Variants in ANTXR1 observed in about 807,000 individuals in gnomAD.
ANTXR1 encodes the protein ANTXR cell adhesion molecule 1, also known as anthrax toxin receptor 1.
ANTXR1 carries 19 observed loss-of-function variants against 78.1 expected under a neutral mutation model. The observed-to-expected ratio is 0.24, with a 90% CI of 0.17 to 0.36. ANTXR1 has a LOEUF of 0.36. ANTXR1 is among the 10% of genes least tolerant of loss of function. ANTXR1 has a pLI of 1.00. For missense variants in ANTXR1, 518 were observed against 718.6 expected, an observed-to-expected ratio of 0.72 and a Z score of 3.19; for synonymous variants, 273 against 260.5, an observed-to-expected ratio of 1.05 and a Z score of -0.46.
chr2:69,024,689 C>T (rs1671291524), intron 1 of ANTXR1, among the ~76,000 whole-genome samples: 1 of 150,478 alleles, frequency 6.6e-6, no homozygotes, highest in African/African-American at 2.5e-5. Context: ...TGAGAGTAAT[C>T]TCTTGTTCAC....
At chr2:69,141,574 G>C (rs940595644) in intron 12 of ANTXR1, among the ~76,000 whole-genome samples, 3 of 152,212 alleles carry the variant, frequency 2.0e-5, no homozygotes, top group African/African-American at 7.2e-5. Flanking sequence ...GCAATTGTGT[G>C]ACAGTCATTC....
chr2:69,196,397 C>T (rs1410932031), intron 17 of ANTXR1, among the ~76,000 whole-genome samples: 1 of 152,214 alleles, frequency 6.6e-6, no homozygotes, highest in African/African-American at 2.4e-5. Context: ...AAATTGTGTC[C>T]TTGTTGCCGT....
intron 1 of ANTXR1, among the ~76,000 whole-genome samples, chr2:69,036,647 T>G (rs1265561851): frequency 6.6e-6 from 1 of 152,168 alleles, no homozygotes; most frequent in African/African-American, 2.4e-5. Context: ...CAAAGATTAA[T>G]TTTTCTGGTT....
chr2:69,195,860 T>TC (rs1344653826), intron 17 of ANTXR1, among the ~76,000 whole-genome samples: 1 of 152,202 alleles, frequency 6.6e-6, no homozygotes, highest in Non-Finnish European at 1.5e-5. Flanking sequence ...CATTTTTTTT[T>TC]CACAGCAATT....
rs201875927 is a variant in ANTXR1 at position 69,102,804 on chromosome 2, G to A, written c.704-38G>A. ...GGCAGATGCGAAGCTTAAGGTTATT[G>A]GCCAAGTAACGAGTCTCGTCATTAT... is the stretch of plus-strand genomic sequence containing the variant. On this transcript the variant is annotated intron_variant, in intron 9 of 17. Transcript: ENST00000303714. 1.1e-5 allele frequency: 17 copies of A among 1,579,108 alleles called. No homozygotes were observed. The East Asian group carries it at 2.5e-4, about 23-fold the overall frequency.
chr2:69,163,796 T>C (rs546122585), intron 13 of ANTXR1, among the ~76,000 whole-genome samples: 1 of 152,360 alleles, frequency 6.6e-6, no homozygotes, highest in East Asian at 1.9e-4. Context: ...TACTGGTGGC[T>C]GGGCAGCATT....
chr2:69,160,135 T>A (rs1356420834), intron 13 of ANTXR1, among the ~76,000 whole-genome samples: 1 of 152,176 alleles, frequency 6.6e-6, no homozygotes, highest in East Asian at 1.9e-4. Flanking sequence ...TGGACACGCC[T>A]CAGGCTACAG....
rs1367437850 is a variant in ANTXR1 at position 69,056,180 on chromosome 2, A to G, written c.296+11367A>G. On this transcript the variant is annotated intron_variant, in intron 3 of 17. Transcript: ENST00000303714. ...TAGAAGTAGTCAACAGAACCAAAGA[A>G]CAGTAGCATTCTCATATCCAAAGCT... 3.3e-5 allele frequency among the ~76,000 whole-genome samples: 5 copies of G among 152,300 alleles called. No individual in the cohort carries two copies. The East Asian group carries it at 9.6e-4, about 29-fold the overall frequency.
rs993403773 is a variant in ANTXR1 at position 69,245,480 on chromosome 2, G to C, written c.1690G>C (p.Val564Leu). 4.3e-6 allele frequency: 7 copies of C among 1,612,128 alleles called. No homozygotes were observed. The highest frequency in any genetic ancestry group is 1.3e-5 in the African/African-American group (1 of 74,438). The change falls in exon 18 of 18, where the codon GTC becomes CTC. Residue 564 changes from valine (V) to leucine (L), a missense_variant. Val to Leu is a conservative substitution (Grantham distance 32). Coordinates refer to ENST00000303714, the MANE Select transcript of ANTXR1 (RefSeq NM_032208.3). Reference sequence around the variant, plus strand: ...CTCCCGCCCTCCTCCAAGGCCTTCTGTCTAGAGCCCAAAGTTCCTGCTCTG... The same window carrying C: ...CTCCCGCCCTCCTCCAAGGCCTTCTCTCTAGAGCCCAAAGTTCCTGCTCTG... ...PPSRPPPRPS[V>L]
At chr2:69,016,386 T>C (rs1241279101) in intron 1 of ANTXR1, among the ~76,000 whole-genome samples, 1 of 152,172 alleles carries the variant, frequency 6.6e-6, no homozygotes, top group Admixed American at 6.5e-5. Flanking sequence ...CAATTTCATG[T>C]CCTAAAGAAA....
In ANTXR1 at chr2:69,013,482, C is replaced by T. The variant is rs929501020; in HGVS notation, c.-18C>T. The T allele has an allele frequency of 2.5e-6, 4 of 1,585,756 alleles. No individual in the cohort carries two copies. Among genetic ancestry groups the T allele is most frequent in the East Asian group, 4.5e-5 (2 of 43,976 alleles). Reference sequence around the variant, plus strand: ...AGCGTGGGAAGGAGCGGACCCTGCTCTCCCCGGGCTGCGGGCCATGGCCAC... The same window carrying T: ...AGCGTGGGAAGGAGCGGACCCTGCTTTCCCCGGGCTGCGGGCCATGGCCAC... On this transcript the variant is annotated 5_prime_UTR_variant, in exon 1 of 18. Transcript: ENST00000303714. This position sits in a 1 kb window ranked among gnomAD's most constrained non-coding sequence, Gnocchi z 5.0.
At chr2:69,181,540 G>C (rs1357168178) in intron 14 of ANTXR1, among the ~76,000 whole-genome samples, 1 of 152,150 alleles carries the variant, frequency 6.6e-6, no homozygotes, top group African/African-American at 2.4e-5. Flanking sequence ...CTGTAGAAGA[G>C]AACAAGAGAA....
chr2:69,035,861 A>C (rs1669388887), intron 1 of ANTXR1, among the ~76,000 whole-genome samples: 1 of 152,230 alleles, frequency 6.6e-6, no homozygotes, highest in Non-Finnish European at 1.5e-5. Flanking sequence ...GACTTTTGTC[A>C]ACACCCAAGG....
chr2:69,038,257 T>C (rs1406531970), intron 1 of ANTXR1, among the ~76,000 whole-genome samples: 1 of 152,188 alleles, frequency 6.6e-6, no homozygotes, highest in Non-Finnish European at 1.5e-5. Context: ...CTCTGCACCT[T>C]AGGCAGCTAG....
chr2:69,018,534 T>C (rs760409959), intron 1 of ANTXR1, among the ~76,000 whole-genome samples: 1 of 152,166 alleles, frequency 6.6e-6, no homozygotes, highest in Non-Finnish European at 1.5e-5. Context: ...ACAAAAGAAA[T>C]ACTGGATTGG....
intron 13 of ANTXR1, among the ~76,000 whole-genome samples, chr2:69,168,520 G>A (rs759376226): frequency 1.1e-3 from 172 of 152,142 alleles, no homozygotes; most frequent in Non-Finnish European, 1.6e-3. Context: ...TCACACCCAG[G>A]GGCCTTGCCA....
At chr2:69,238,940 A>G (rs1333524921) in intron 17 of ANTXR1, among the ~76,000 whole-genome samples, 1 of 152,124 alleles carries the variant, frequency 6.6e-6, no homozygotes, top group East Asian at 1.9e-4. Flanking sequence ...GCCCAAACAG[A>G]TGTCTCATAA....
intron 1 of ANTXR1, among the ~76,000 whole-genome samples, chr2:69,015,910 A>T (rs1671011983): frequency 6.6e-6 from 1 of 152,244 alleles, no homozygotes; most frequent in Non-Finnish European, 1.5e-5. Context: ...AATTCACAAG[A>T]GAAAAAAATA....
At chr2:69,022,421 G>C (rs1671219243) in intron 1 of ANTXR1, among the ~76,000 whole-genome samples, 1 of 152,172 alleles carries the variant, frequency 6.6e-6, no homozygotes, top group Non-Finnish European at 1.5e-5. Context: ...TCTAAGGTTG[G>C]TACCACCTTG....
Sources: gnomAD v4.1 joint callset for allele counts (sites outside exome capture counted in the v4.1 genomes callset) on GRCh38, gnomAD v4.1.1 for gene constraint, Gnocchi (gnomAD v3.1) non-coding constraint, MANE v1.5 for transcripts, NCBI Gene and HGNC (gene_info 2026-07-23, HGNC 2026-07-21) for gene names.